The following GPBP1 variants were observed in gnomAD, a reference collection of about 807,000 sequenced individuals.
GPBP1 encodes the protein vasculin.
GPBP1 carries 13 observed loss-of-function variants against 56.5 expected under a neutral mutation model. The ratio of observed to expected loss-of-function variants is 0.23; its 90% CI spans 0.15 to 0.37. GPBP1 has a LOEUF of 0.37. Ranked by LOEUF, GPBP1 falls within the 10% of genes least tolerant of loss-of-function variation. The pLI is 1.00. For synonymous variants in GPBP1, 204 were observed against 188.9 expected (o/e 1.08, Z -0.66); for missense variants, 477 against 572.3 (o/e 0.83, Z 1.70).
At chr5:57,211,801 A>T (rs946508932) in intron 2 of GPBP1, among the ~76,000 whole-genome samples, 2 of 150,844 alleles carry the variant, frequency 1.3e-5, no homozygotes, top group Admixed American at 1.3e-4. Context: ...CAAACTCCCA[A>T]CCTCAGGTGA....
chr5:57,253,926 A>ATCT (rs778528847), intron 10 of GPBP1, among the ~76,000 whole-genome samples: 3 of 151,460 alleles, frequency 2.0e-5, no homozygotes, highest in Non-Finnish European at 4.4e-5. Flanking sequence ...ACCTGGCTAG[A>ATCT]TCTTCTTTCG....
Position 57,256,679 on chromosome 5 carries a change from A to G in GPBP1, c.1161-4501A>G, listed in dbSNP as rs147331773. Among the ~76,000 whole-genome samples the G allele has an allele frequency of 3.8e-3, 574 of 152,312 alleles. 7 individuals carry two copies. The highest frequency in any genetic ancestry group is 0.013 in the African/African-American group (556 of 41,566). The stretch of plus-strand genomic sequence containing the variant: ...ATTTGGTAGCCGCTAGTTGGAATAG[A>G]GGGATAGTTTTATAGAAATGTTGCA... On this transcript the variant is annotated intron_variant, in intron 10 of 11. Coordinates refer to ENST00000506184, the MANE Select transcript of GPBP1 (RefSeq NM_022913.4).
intron 8 of GPBP1, among the ~76,000 whole-genome samples, chr5:57,247,930 C>T (rs879357438): frequency 9.9e-5 from 15 of 151,888 alleles, no homozygotes; most frequent in Admixed American, 3.3e-4. Flanking sequence ...TTTGTAGAGA[C>T]GAGGATCTTG....
chr5:57,227,462 G>A (rs983010875), intron 3 of GPBP1, among the ~76,000 whole-genome samples: 14 of 152,248 alleles, frequency 9.2e-5, no homozygotes, highest in Middle Eastern at 3.4e-3. Context: ...CCAAATTGCC[G>A]GGATTATGGC....
intron 2 of GPBP1, among the ~76,000 whole-genome samples, chr5:57,180,009 C>T (rs959902520): frequency 6.7e-6 from 1 of 149,838 alleles, no homozygotes; most frequent in African/African-American, 2.5e-5. Context: ...GAAGAGTGAG[C>T]AGGAAAAAAA....
intron 10 of GPBP1, among the ~76,000 whole-genome samples, chr5:57,253,923 T>G (rs922682710): frequency 6.6e-6 from 1 of 151,926 alleles, no homozygotes; most frequent in African/African-American, 2.4e-5. Flanking sequence ...GACACCTGGC[T>G]AGATCTTCTT....
chr5:57,196,846 A>G (rs551022892), intron 2 of GPBP1, among the ~76,000 whole-genome samples: 11 of 151,978 alleles, frequency 7.2e-5, no homozygotes, highest in African/African-American at 2.7e-4. Context: ...CAGTGGCACG[A>G]TCTTGGCTCA....
At chr5:57,221,757 TC>T (rs1200737496) in intron 3 of GPBP1, among the ~76,000 whole-genome samples, 1 of 152,200 alleles carries the variant, frequency 6.6e-6, no homozygotes, top group African/African-American at 2.4e-5. Flanking sequence ...ACCAAAACTT[TC>T]CTTTGACAAT....
chr5:57,216,685 C>G (rs1755712095), intron 3 of GPBP1, among the ~76,000 whole-genome samples: 1 of 151,970 alleles, frequency 6.6e-6, no homozygotes, highest in Non-Finnish European at 1.5e-5. Context: ...GACTCTGTCT[C>G]AAAAACAAAA....
At position 57,223,298 on chromosome 5, in the gene GPBP1, C is replaced by T. The variant is rs6894075; in HGVS notation, c.64-7548C>T. Among the ~76,000 whole-genome samples, 1,084 of 152,188 alleles carry T rather than the reference C, an allele frequency of 7.1e-3. 12 individuals carry two copies. The highest frequency in any genetic ancestry group is 0.025 in the African/African-American group (1,037 of 41,516). On this transcript the variant is annotated intron_variant, in intron 3 of 11. Transcript: ENST00000506184. ...TAGAGACAGGTTTCACTGTGTTAGC[C>T]AGGATGGTCTTGATCTCCTGACCCC...
intron 1 of GPBP1, among the ~76,000 whole-genome samples, chr5:57,174,850 A>G (rs1753727442): frequency 1.3e-5 from 2 of 152,274 alleles, no homozygotes; most frequent in South Asian, 4.1e-4. Flanking sequence ...GTGGAAACCT[A>G]CACCTTCTAG....
chr5:57,207,502 G>A (rs1259359444), intron 2 of GPBP1, among the ~76,000 whole-genome samples: 1 of 151,982 alleles, frequency 6.6e-6, no homozygotes, highest in Non-Finnish European at 1.5e-5. Flanking sequence ...AGGGGTGAAT[G>A]TTTACAGCTC....
rs1338279704 is a variant in GPBP1 at position 57,247,082 on chromosome 5, A to G, written c.671A>G (p.Gln224Arg). Residue 224 changes from glutamine (Q) to arginine (R), a missense_variant, in exon 8 of 12, where the codon CAA (glutamine) becomes CGA (arginine). Physicochemically the swap from Gln to Arg is conservative, Grantham distance 43. Coordinates refer to ENST00000506184, the MANE Select transcript of GPBP1 (RefSeq NM_022913.4). The part of the protein sequence containing the change: ...KPAAPPTKPT[Q>R]WKSQTKENKV... The stretch of plus-strand genomic sequence containing the variant: ...TTGTGTGTTTTTCTTTAGCCTACAC[A>G]ATGGAAAAGCCAAACAAAAGAAAAT... 6.2e-7 allele frequency: 1 copy of G among 1,612,738 alleles called. No individual in the cohort carries two copies. Among genetic ancestry groups the G allele is most frequent in the South Asian group, 1.1e-5 (1 of 90,762 alleles).
chr5:57,250,206 G>T lies in GPBP1; in HGVS notation c.972+630G>T, dbSNP rs181175339. 5.0e-3 allele frequency among the ~76,000 whole-genome samples: 750 copies of T among 151,454 alleles called. 6 individuals are homozygous for T. Among genetic ancestry groups the T allele is most frequent in the Non-Finnish European group, 5.7e-3 (389 of 67,924 alleles). ...TTTTGTAGAGACGGGGTTTCACCAC[G>T]TTGGCCAGACTGGTCTTGAACTCCT... is the stretch of plus-strand genomic sequence containing the variant. On this transcript the variant is annotated intron_variant, in intron 9 of 11. Coordinates refer to ENST00000506184, the MANE Select transcript of GPBP1 (RefSeq NM_022913.4).
At chr5:57,211,857 C>T (rs1755496946) in intron 2 of GPBP1, among the ~76,000 whole-genome samples, 2 of 152,102 alleles carry the variant, frequency 1.3e-5, no homozygotes, top group African/African-American at 4.8e-5. Context: ...CAGGCGTGAG[C>T]CGTCGTGCTC....
Position 57,231,259 on chromosome 5 carries a change from G to A in GPBP1, c.349G>A (p.Asp117Asn). The part of the protein sequence containing the change: ...SQGLHENNIP[D>N]NETGRKEDKR... ...AGGACTACATGAAAACAACATACCTGACAATGAAACCGGGAGGAAAGAAGA... is the reference window on the plus strand; with the variant it reads ...AGGACTACATGAAAACAACATACCTAACAATGAAACCGGGAGGAAAGAAGA... The change falls in exon 5 of 12, where the codon GAC becomes AAC. Residue 117 changes from aspartate to asparagine, a missense_variant. By Grantham distance (23) the Asp-to-Asn change is conservative (BLOSUM62 1). Transcript: ENST00000506184. The A allele has an allele frequency of 6.2e-7, 1 of 1,614,106 alleles. No homozygotes were observed. The highest frequency in any genetic ancestry group is 8.5e-7 in the Non-Finnish European group (1 of 1,179,986).
chr5:57,248,859 T>G (rs1695243072), intron 8 of GPBP1: 1 of 152,232 alleles, frequency 6.6e-6, no homozygotes, highest in Non-Finnish European at 1.5e-5. Flanking sequence ...TATGGTTTGT[T>G]TCCGTGACTA....
At chr5:57,209,706 C>T (rs922125028) in intron 2 of GPBP1, among the ~76,000 whole-genome samples, 1 of 152,018 alleles carries the variant, frequency 6.6e-6, no homozygotes, top group African/African-American at 2.4e-5. Flanking sequence ...TTAAAGGGTG[C>T]TAGATTTTGT....
At chr5:57,221,432 A>G (rs976331614) in intron 3 of GPBP1, 1 of 1,328,768 alleles carries the variant, frequency 7.5e-7, no homozygotes, top group Non-Finnish European at 1.1e-6. Context: ...ACAGATATTG[A>G]AAAATTTAGA....
Sources: allele counts gnomAD v4.1 joint callset (sites outside exome capture counted in the v4.1 genomes callset), GRCh38; gene constraint gnomAD v4.1.1; transcripts MANE v1.5; gene names NCBI Gene and HGNC (gene_info 2026-07-23, HGNC 2026-07-21).